GNE: variants seen among roughly 807,000 people sequenced by gnomAD.
GNE encodes glucosamine (UDP-N-acetyl)-2-epimerase/N-acetylmannosamine kinase.
GNE carries 41 observed loss-of-function variants against 61.8 expected under a neutral mutation model. That is an observed-to-expected ratio of 0.66 (90% CI 0.52 to 0.86). The LOEUF (loss-of-function observed/expected upper bound fraction) is 0.86, where lower values mean the gene tolerates loss of function less well. Among genes scored for constraint, GNE ranks in the 40% least tolerant of loss-of-function variants. The pLI is 0.00. For synonymous variants in GNE, 264 were observed against 326.4 expected, an observed-to-expected ratio of 0.81 and a Z score of 2.06; for missense variants, 608 against 909.1, an observed-to-expected ratio of 0.67 and a Z score of 4.26.
At chr9:36,275,545 T>A (rs1831230046) in intron 1 of GNE, among the ~76,000 whole-genome samples, 1 of 152,050 alleles carries the variant, frequency 6.6e-6, no homozygotes. Flanking sequence ...CCACCAAACA[T>A]TAGGCAAATG....
Position 36,246,693 on chromosome 9 carries a change from A to T in GNE, c.165-211T>A, listed in dbSNP as rs184718221. Among the ~76,000 whole-genome samples the T allele has an allele frequency of 4.3e-3, 566 of 132,170 alleles. 7 individuals carry two copies. The highest frequency in any genetic ancestry group is 0.015 in the African/African-American group (515 of 35,508). 86.7% of individuals were successfully genotyped at this position (132,170 alleles called of 152,430 possible). A position where few individuals can be genotyped will look rare whatever the true frequency, so the allele number is the denominator to read the frequency against. On this transcript the variant is annotated intron_variant, in intron 2 of 11. Transcript: ENST00000642385. ...TTTTTTTTTTTTTTTTTTTGAGATG[A>T]AGTCTTGCTCTGTTGCCCAGGCTGG...
At chr9:36,250,360 C>T (rs1287082159) in intron 1 of GNE, among the ~76,000 whole-genome samples, 1 of 152,188 alleles carries the variant, frequency 6.6e-6, no homozygotes, top group African/African-American at 2.4e-5. Flanking sequence ...ACTCCAAATG[C>T]CTATCAGATA....
In GNE at chr9:36,249,253, C is replaced by T. The variant is rs758157078; in HGVS notation, c.103G>A (p.Glu35Lys). 9 of 1,614,002 alleles carry T rather than the reference C, an allele frequency of 5.6e-6. No homozygotes were observed. The highest frequency in any genetic ancestry group is 7.6e-6 in the Non-Finnish European group (9 of 1,179,994). The change falls in exon 2 of 12, where the codon GAA becomes AAA. Residue 35 changes from glutamate (E) to lysine (K), a missense_variant. Transcript: ENST00000642385. ...LAPIMFGIKT[E>K]PEFFELDVVV... Reference sequence around the variant, plus strand: ...ACATCAAGTTCAAAGAACTCAGGTTCGGTTTTAATGCCAAACATGATCGGG... The same window carrying T: ...ACATCAAGTTCAAAGAACTCAGGTTTGGTTTTAATGCCAAACATGATCGGG...
chr9:36,228,897 T>G, intron 6 of GNE, 124 bp downstream of exon 6: 1 of 738,284 alleles, frequency 1.4e-6, no homozygotes, highest in Non-Finnish European at 2.5e-6. Flanking sequence ...CCCCAGCAAC[T>G]AGGGGCCCGT....
Position 36,236,954 on chromosome 9 carries a change from A to G in GNE, c.647T>C (p.Val216Ala), listed in dbSNP as rs779694939. ...GDDVKSKDYI[V>A]ALQHPVTTDI... is the part of the protein sequence containing the mutation. ...AGTGGTCACAGGGTGCTGTAGTGCAACAATGTAATCTTTAGATTTTACATC... is the reference window on the plus strand; with the variant it reads ...AGTGGTCACAGGGTGCTGTAGTGCAGCAATGTAATCTTTAGATTTTACATC... Residue 216 changes from valine to alanine, a missense_variant, in exon 4 of 12, where the codon GTT becomes GCT. Transcript: ENST00000642385. 114 of 1,611,924 alleles carry G rather than the reference A, an allele frequency of 7.1e-5. No individual in the cohort carries two copies. Among genetic ancestry groups the G allele is most frequent in the Non-Finnish European group, 8.9e-5 (105 of 1,178,108 alleles).
At chr9:36,230,597 C>T (rs911609204) in intron 5 of GNE, among the ~76,000 whole-genome samples, 1 of 151,944 alleles carries the variant, frequency 6.6e-6, no homozygotes, top group African/African-American at 2.4e-5. Context: ...ACTAGGACCA[C>T]AGGCGCATGC....
intron 1 of GNE, among the ~76,000 whole-genome samples, chr9:36,249,862 T>C (rs1473923471): frequency 2.7e-5 from 4 of 149,798 alleles, no homozygotes; most frequent in Non-Finnish European, 5.9e-5. Flanking sequence ...CCAGCCTGGG[T>C]GACAGAGCGA....
At chr9:36,248,481 A>AT (rs113051412) in intron 2 of GNE, among the ~76,000 whole-genome samples, 38,097 of 143,750 alleles carry the variant, frequency 0.27, 5,007 homozygotes, top group South Asian at 0.38. Flanking sequence ...CAACTGGCTA[A>AT]TTTTTTTTTT....
chr9:36,254,981 G>A (rs1446485945), intron 1 of GNE, among the ~76,000 whole-genome samples: 2 of 152,002 alleles, frequency 1.3e-5, no homozygotes, highest in South Asian at 2.1e-4. Flanking sequence ...TTCTCAGATT[G>A]CCAGTGAGTT....
At chr9:36,269,473 C>T (rs915708845) in intron 1 of GNE, among the ~76,000 whole-genome samples, 2 of 151,436 alleles carry the variant, frequency 1.3e-5, no homozygotes, top group African/African-American at 4.9e-5. Context: ...ACTTCAAACT[C>T]AATATATGAA....
At chr9:36,228,991 A>G (rs370562504) in intron 6 of GNE, 30 bp downstream of exon 6, 4 of 1,227,300 alleles carry the variant, frequency 3.3e-6, no homozygotes, top group Non-Finnish European at 4.8e-6. Flanking sequence ...CCCCTTTTAA[A>G]TCACTCAACA....
intron 7 of GNE, among the ~76,000 whole-genome samples, chr9:36,224,715 C>A (rs576119171): frequency 0.011 from 1,687 of 151,722 alleles, 32 homozygotes; most frequent in African/African-American, 0.038. Context: ...ATAAAAAATA[C>A]AAAAATTAGC....
intron 4 of GNE, among the ~76,000 whole-genome samples, chr9:36,236,371 T>C (rs879865789): frequency 2.0e-5 from 3 of 152,150 alleles, no homozygotes; most frequent in Non-Finnish European, 4.4e-5. Context: ...TGGCTAATTA[T>C]TGTATTTTAG....
At chr9:36,228,032 C>CAAA (rs1385568208) in intron 6 of GNE, among the ~76,000 whole-genome samples, 3 of 46,776 alleles carry the variant, frequency 6.4e-5, no homozygotes, top group East Asian at 6.3e-4. Context: ...GACTCCGTCT[C>CAAA]AAAAAAAAAA....
chr9:36,272,620 C>CAAAAAAAAAAAAAAA (rs58934783), intron 1 of GNE, among the ~76,000 whole-genome samples: 1 of 74,094 alleles, frequency 1.3e-5, no homozygotes, highest in East Asian at 4.2e-4. Context: ...GACTCCGCCT[C>CAAAAAAAAAAAAAAA]AAAAAAAAAA....
At chr9:36,265,424 G>A (rs1422533513) in intron 1 of GNE, 1 of 456,690 alleles carries the variant, frequency 2.2e-6, no homozygotes, top group South Asian at 1.5e-5. Context: ...TTTCTAGGGA[G>A]ATGGAAGGGA....
At chr9:36,273,619 C>T (rs898497179) in intron 1 of GNE, among the ~76,000 whole-genome samples, 1 of 151,860 alleles carries the variant, frequency 6.6e-6, no homozygotes, top group Non-Finnish European at 1.5e-5. Flanking sequence ...TTTTTCTGCC[C>T]CTGACTCTGT....
chr9:36,270,372 T>C (rs549911478), intron 1 of GNE, among the ~76,000 whole-genome samples: 77 of 152,086 alleles, frequency 5.1e-4, no homozygotes, highest in African/African-American at 1.8e-3. Flanking sequence ...TAATGTAGAG[T>C]TTTTTATTAT....
chr9:36,235,832 C>T (rs1262548398), intron 4 of GNE, among the ~76,000 whole-genome samples: 1 of 152,088 alleles, frequency 6.6e-6, no homozygotes. Flanking sequence ...GTTCTGCCTC[C>T]TTTACCAAAA....
Sources: allele counts gnomAD v4.1 joint callset (sites outside exome capture counted in the v4.1 genomes callset), GRCh38; gene constraint gnomAD v4.1.1; transcripts MANE v1.5; gene names NCBI Gene and HGNC (gene_info 2026-07-23, HGNC 2026-07-21).